Variants in CFAP44 observed in about 807,000 individuals in gnomAD.
CFAP44 encodes cilia and flagella associated protein 44.
A neutral mutation model predicts 216.2 loss-of-function variants in CFAP44; 134 were observed. The observed-to-expected ratio is 0.62, with a 90% CI of 0.54 to 0.72. The LOEUF (loss-of-function observed/expected upper bound fraction) is 0.72, where lower values mean the gene tolerates loss of function less well. Ranked by LOEUF, CFAP44 falls within the 30% of genes least tolerant of loss-of-function variation. The pLI is 0.00. For missense variants in CFAP44, 2,035 were observed against 2,182.1 expected, an observed-to-expected ratio of 0.93 and a Z score of 1.34; for synonymous variants, 700 against 727.6, an observed-to-expected ratio of 0.96 and a Z score of 0.61.
At chr3:113,390,217 A>C (rs1933758744) in intron 15 of CFAP44, among the ~76,000 whole-genome samples, 1 of 152,216 alleles carries the variant, frequency 6.6e-6, no homozygotes, top group Admixed American at 6.5e-5. Flanking sequence ...AATGTGGTAC[A>C]TCATATCAAC....
Position 113,330,182 on chromosome 3 carries a change from A to G in CFAP44, c.4102T>C (p.Tyr1368His), listed in dbSNP as rs1332206966. ...DEIKHVYMQQ[Y>H]LVNRIKELVV... ...TCACCCCTTACCCTGTTGACCAAAT[A>G]CTGTTGCATGTACACGTGTTTAATC... Residue 1368 changes from tyrosine to histidine, a missense_variant, in exon 26 of 35, where the codon TAT (tyrosine) becomes CAT (histidine). Physicochemically the swap from Tyr to His is moderately conservative, Grantham distance 83. Transcript: ENST00000393845. 6.5e-7 allele frequency: 1 copy of G among 1,534,244 alleles called. No individual in the cohort carries two copies. Among genetic ancestry groups the G allele is most frequent in the Non-Finnish European group, 8.7e-7 (1 of 1,144,942 alleles).
intron 16 of CFAP44, among the ~76,000 whole-genome samples, chr3:113,379,835 C>T (rs1413463325): frequency 6.6e-6 from 1 of 152,120 alleles, no homozygotes; most frequent in African/African-American, 2.4e-5. Flanking sequence ...GAGCCTATCA[C>T]TGTTAACCCA....
intron 24 of CFAP44, among the ~76,000 whole-genome samples, chr3:113,338,204 C>T (rs1950297457): frequency 8.1e-6 from 1 of 123,234 alleles, no homozygotes; most frequent in Non-Finnish European, 1.6e-5. Flanking sequence ...TTGCAGTGAG[C>T]TGAGATTGCA....
chr3:113,358,334 A>C (rs1219542209), intron 22 of CFAP44, among the ~76,000 whole-genome samples: 1 of 152,074 alleles, frequency 6.6e-6, no homozygotes, highest in East Asian at 1.9e-4. Context: ...GGCAAAAAAA[A>C]ACATTCCCCT....
intron 8 of CFAP44, among the ~76,000 whole-genome samples, chr3:113,404,402 G>A (rs1360928922): frequency 6.6e-6 from 1 of 152,150 alleles, no homozygotes; most frequent in Non-Finnish European, 1.5e-5. Context: ...TGTAAGGCCA[G>A]TACTGAATTA....
At chr3:113,404,103 T>G in intron 8 of CFAP44, 87 bp from the exon 9 acceptor site, 1 of 1,373,526 alleles carries the variant, frequency 7.3e-7, no homozygotes, top group Admixed American at 2.7e-5. Context: ...AAATTATTTT[T>G]TAAGGTTATC....
chr3:113,417,825 T>C (rs1481692270), intron 5 of CFAP44, among the ~76,000 whole-genome samples: 1 of 152,132 alleles, frequency 6.6e-6, no homozygotes, highest in African/African-American at 2.4e-5. Flanking sequence ...TAAGAAATAG[T>C]AGATCTCAAG....
At chr3:113,392,649 ATCAAAATATC>A (rs1933876520) in intron 15 of CFAP44, among the ~76,000 whole-genome samples, 1 of 152,146 alleles carries the variant, frequency 6.6e-6, no homozygotes, top group Admixed American at 6.6e-5. Context: ...TATATGCCTT[ATCAAAATATC>A]TCATGTACCC....
intron 4 of CFAP44, among the ~76,000 whole-genome samples, chr3:113,421,860 G>A (rs753840741): frequency 1.5e-4 from 23 of 152,018 alleles, no homozygotes; most frequent in African/African-American, 3.1e-4. Context: ...GAGGGGGCAC[G>A]GCTGAAAAAC....
At chr3:113,440,350 C>T (rs556779297) in intron 1 of CFAP44, among the ~76,000 whole-genome samples, 13 of 152,104 alleles carry the variant, frequency 8.5e-5, no homozygotes, top group Non-Finnish European at 1.6e-4. Context: ...CGTCAGCCAC[C>T]GCGCACAGCC....
At chr3:113,425,555 T>C (rs1272205666) in intron 4 of CFAP44, among the ~76,000 whole-genome samples, 15 of 152,210 alleles carry the variant, frequency 9.9e-5, no homozygotes, top group Non-Finnish European at 1.5e-4. Context: ...TCATCTGATA[T>C]ATAATGTGAA....
chr3:113,313,525 G>A (rs1327999127), intron 28 of CFAP44, among the ~76,000 whole-genome samples: 6 of 152,094 alleles, frequency 3.9e-5, no homozygotes, highest in African/African-American at 1.2e-4. Context: ...GTAAGGACAT[G>A]AGATTTGGAG....
upstream of CFAP44, chr3:113,441,513 TCCGGTTACC>T (rs1255557958): frequency 3.0e-6 from 3 of 985,314 alleles, no homozygotes; most frequent in Middle Eastern, 5.2e-4. Flanking sequence ...CTCCGTTTAC[TCCGGTTACC>T]GAGACAACGC....
Position 113,289,795 on chromosome 3 carries a change from G to A in CFAP44, c.*1762C>T, listed in dbSNP as rs564488575. ...TCTCTTGCTGTCTCCCTCACTCTTGGATCACTTGCTCTGGGAGAAGTCATA... is the reference window on the plus strand; with the variant it reads ...TCTCTTGCTGTCTCCCTCACTCTTGAATCACTTGCTCTGGGAGAAGTCATA... On this transcript the variant is annotated 3_prime_UTR_variant, in exon 35 of 35. Coordinates refer to ENST00000393845, the MANE Select transcript of CFAP44 (RefSeq NM_001164496.2). 2.9e-3 allele frequency: 441 copies of A among 152,390 alleles called. 4 individuals are homozygous for A. Among genetic ancestry groups the A allele is most frequent in the Middle Eastern group, 0.014 (4 of 294 alleles). The allele number at this position is 152,390 out of a possible 1,614,324, so 9.4% of individuals were successfully genotyped here.
intron 28 of CFAP44, among the ~76,000 whole-genome samples, chr3:113,322,103 C>T (rs1323077365): frequency 6.6e-6 from 1 of 152,192 alleles, no homozygotes; most frequent in Non-Finnish European, 1.5e-5. Context: ...GGAGGCATCA[C>T]ACTACCTAAC....
In CFAP44 at chr3:113,373,533, T is replaced by C. The variant is rs533778119; in HGVS notation, c.2322A>G (p.Leu774=). The C allele has an allele frequency of 2.9e-5, 47 of 1,594,928 alleles. No homozygotes were observed. Among genetic ancestry groups the C allele is most frequent in the African/African-American group, 4.0e-5 (3 of 74,514 alleles). ...VSLGGYDSGF[L]YHCEFPPCDE... is the part of the protein sequence containing the mutation. ...CACAAGGGGGGAACTCACAGTGATA[T>C]AGAAAACCAGAATCATAGCCACCCT... Residue 774 remains leucine (L), a synonymous_variant, in exon 18 of 35, where the codon CTA becomes CTG. Transcript: ENST00000393845.
At chr3:113,299,425 GA>G (rs1419768613) in intron 32 of CFAP44, among the ~76,000 whole-genome samples, 4 of 152,188 alleles carry the variant, frequency 2.6e-5, no homozygotes, top group African/African-American at 9.7e-5. Context: ...AAATGCTGAT[GA>G]GGATGTAGAG....
At chr3:113,322,900 C>T (rs542895903) in intron 28 of CFAP44, among the ~76,000 whole-genome samples, 5 of 152,214 alleles carry the variant, frequency 3.3e-5, no homozygotes, top group South Asian at 2.1e-4. Flanking sequence ...TGGCTGGGGA[C>T]GCCTCAGGAA....
chr3:113,396,008 A>C (rs1447596530), intron 14 of CFAP44, 148 bp from the exon 15 acceptor site: 1 of 599,996 alleles, frequency 1.7e-6, no homozygotes, highest in East Asian at 3.2e-5. Flanking sequence ...TATTTCTAAA[A>C]CTTGCTCAAT....
Sources: allele counts gnomAD v4.1 joint callset (sites outside exome capture counted in the v4.1 genomes callset), GRCh38; gene constraint gnomAD v4.1.1; transcripts MANE v1.5; gene names NCBI Gene and HGNC (gene_info 2026-07-23, HGNC 2026-07-21).